MICALL2: variants seen among roughly 807,000 people sequenced by gnomAD.
The protein encoded by MICALL2 is MICAL like 2, also known as MICAL-like protein 2.
A neutral mutation model predicts 91.1 loss-of-function variants in MICALL2; 111 were observed. That is an observed-to-expected ratio of 1.22 (90% CI 1.04 to 1.43). The LOEUF is 1.43. MICALL2 is among the 40% of genes most tolerant of loss of function. The pLI is 0.00. For missense variants in MICALL2, 1,556 were observed against 1,236.0 expected, an observed-to-expected ratio of 1.26 and a Z score of -3.88; for synonymous variants, 694 against 525.3, an observed-to-expected ratio of 1.32 and a Z score of -4.39.
At chr7:1,434,985 G>GA in intron 16 of MICALL2, 116 bp downstream of exon 16, 10 of 255,664 alleles carry the variant, frequency 3.9e-5, no homozygotes, top group Non-Finnish European at 5.9e-5. Context: ...CCCGATACCC[G>GA]CCCCCCCCCC....
At chr7:1,437,762 C>T (rs965377436) in intron 13 of MICALL2, 128 bp downstream of exon 13, 80 of 1,232,456 alleles carry the variant, frequency 6.5e-5, no homozygotes, top group Admixed American at 4.8e-4. Context: ...CAGACCGCAA[C>T]GAGGTCCTGG....
rs746091018 is a variant in MICALL2 at position 1,445,131 on chromosome 7, G to A, written c.939C>T (p.Ser313=). 157 of 1,562,430 alleles carry A rather than the reference G, an allele frequency of 1.0e-4. No homozygotes were observed. The highest frequency in any genetic ancestry group is 1.3e-4 in the Non-Finnish European group (147 of 1,154,432). ...APNPAATSAT[S]VHVRSPARPS... is the part of the protein sequence containing the mutation. ...GCCTGGCTGGGCTCCTCACGTGGAC[G>A]GACGTGGCGCTGGTGGCTGCAGGGT... Residue 313 remains serine, a synonymous_variant, in exon 6 of 17, where the codon TCC becomes TCT. Transcript: ENST00000297508.
chr7:1,459,348 C>T lies in MICALL2; in HGVS notation c.-22G>A, dbSNP rs751713169. 38 of 1,435,848 alleles carry T rather than the reference C, an allele frequency of 2.6e-5. No individual in the cohort carries two copies. The East Asian group carries it at 1.2e-3, about 46-fold the overall frequency. The allele number at this position is 1,435,848 out of a possible 1,614,324, so 88.9% of individuals were successfully genotyped here. A position where few individuals can be genotyped will look rare whatever the true frequency, so the allele number is the denominator to read the frequency against. On this transcript the variant is annotated 5_prime_UTR_variant, in exon 1 of 17. Coordinates refer to ENST00000297508, the MANE Select transcript of MICALL2 (RefSeq NM_182924.4). ...CCATGTGGGCGGCGCGCCCGCCGCGCGGCGGAACCGCCCTCCGACACCTTC... is the reference window on the plus strand; with the variant it reads ...CCATGTGGGCGGCGCGCCCGCCGCGTGGCGGAACCGCCCTCCGACACCTTC...
chr7:1,448,915 C>G (rs993650499), intron 2 of MICALL2, among the ~76,000 whole-genome samples, 154 bp from the exon 3 acceptor site: 2 of 152,236 alleles, frequency 1.3e-5, no homozygotes, highest in East Asian at 1.9e-4. Context: ...GCCTCCCGGC[C>G]TCAGCTTACC....
Position 1,440,317 on chromosome 7 carries a change from G to A in MICALL2, c.1806-232C>T, listed in dbSNP as rs544240623. ...TCCAGGCGTGAGCTCCGGGCCCCAC[G>A]GGACCCACACATGGGGAGACTCCAC... On this transcript the variant is annotated intron_variant, in intron 8 of 16. Coordinates refer to ENST00000297508, the MANE Select transcript of MICALL2 (RefSeq NM_182924.4). 141 of 630,116 alleles carry A rather than the reference G, an allele frequency of 2.2e-4. 1 individual carries two copies. Among genetic ancestry groups the A allele is most frequent in the Admixed American group, 5.4e-4 (18 of 33,644 alleles). 39.0% of individuals were successfully genotyped at this position (630,116 alleles called of 1,614,324 possible).
In MICALL2 at chr7:1,444,668, C is replaced by T. The variant is rs780791238; in HGVS notation, c.1402G>A (p.Ala468Thr). Residue 468 changes from alanine to threonine, a missense_variant, in exon 6 of 17, where the codon GCT becomes ACT. Ala to Thr is a moderately conservative substitution (Grantham distance 58). Coordinates refer to ENST00000297508, the MANE Select transcript of MICALL2 (RefSeq NM_182924.4). ...CGCGCTCACCTGCCAGGCGCCGGAGCGCCAGCCTCTTCCAGCGCTGAGAGG... is the reference window on the plus strand; with the variant it reads ...CGCGCTCACCTGCCAGGCGCCGGAGTGCCAGCCTCTTCCAGCGCTGAGAGG... ...QALSALEEAG[A>T]PAPGRPSPAT... is the part of the protein sequence containing the mutation. The T allele has an allele frequency of 1.1e-5, 18 of 1,610,800 alleles. No individual in the cohort carries two copies. The highest frequency in any genetic ancestry group is 3.4e-4 in the Middle Eastern group (2 of 5,936).
intron 15 of MICALL2, 60 bp downstream of exon 15, chr7:1,436,682 G>A (rs866196208): frequency 5.1e-5 from 68 of 1,320,604 alleles, no homozygotes; most frequent in African/African-American, 2.6e-4. Context: ...CCTGAGGGCC[G>A]GGAGCATGGA....
At chr7:1,440,212 C>T in intron 8 of MICALL2, 127 bp from the exon 9 acceptor site, 2 of 1,143,662 alleles carry the variant, frequency 1.7e-6, no homozygotes, top group Middle Eastern at 5.9e-4. Flanking sequence ...AATGCCACCT[C>T]CCAGCCCACT....
chr7:1,444,493 C>A (rs1780466461), intron 6 of MICALL2, among the ~76,000 whole-genome samples, 159 bp downstream of exon 6: 1 of 152,242 alleles, frequency 6.6e-6, no homozygotes, highest in Non-Finnish European at 1.5e-5. Flanking sequence ...CTGGCTCCTC[C>A]TCCCCATTCC....
In MICALL2 at chr7:1,437,528, G is replaced by A. The variant is rs1428074592; in HGVS notation, c.2476+7C>T. On this transcript the variant is annotated splice_region_variant and intron_variant, in intron 14 of 16. Coordinates refer to ENST00000297508, the MANE Select transcript of MICALL2 (RefSeq NM_182924.4). The stretch of plus-strand genomic sequence containing the variant: ...GGGGCCCCTTGGCTGGCGCGCGGGG[G>A]ACGCACCGGGCTTGGCCATGAGCCG... 4 of 1,517,486 alleles carry A rather than the reference G, an allele frequency of 2.6e-6. No individual in the cohort carries two copies. The highest frequency in any genetic ancestry group is 1.4e-5 in the African/African-American group (1 of 71,040). 94.0% of individuals were successfully genotyped at this position (1,517,486 alleles called of 1,614,324 possible). A position where few individuals can be genotyped will look rare whatever the true frequency, so the allele number is the denominator to read the frequency against.
At chr7:1,457,604 C>T (rs1215708154) in intron 1 of MICALL2, among the ~76,000 whole-genome samples, 1 of 152,248 alleles carries the variant, frequency 6.6e-6, no homozygotes, top group East Asian at 1.9e-4. Context: ...TACACAGCGA[C>T]CACCGTGCCA....
At chr7:1,455,052 G>A (rs1033965335) in intron 1 of MICALL2, among the ~76,000 whole-genome samples, 6 of 152,172 alleles carry the variant, frequency 3.9e-5, no homozygotes, top group Non-Finnish European at 8.8e-5. Context: ...CCCCAGCCAC[G>A]AACCCCAAGA....
At position 1,438,337 on chromosome 7, in the gene MICALL2, C is replaced by A. The variant is rs748183569; in HGVS notation, c.2139G>T (p.Pro713=). Residue 713 remains proline (P), a synonymous_variant, in exon 11 of 17, where the codon CCG becomes CCT. Coordinates refer to ENST00000297508, the MANE Select transcript of MICALL2 (RefSeq NM_182924.4). ...LQGKPGRPLS[P]ANVPALPGET... is the part of the protein sequence containing the mutation. ...CGCCAGGCAGAGCAGGGACATTGGCCGGGGACAAGGGTCTCCCTGGAGAAG... is the reference window on the plus strand; with the variant it reads ...CGCCAGGCAGAGCAGGGACATTGGCAGGGGACAAGGGTCTCCCTGGAGAAG... The A allele has an allele frequency of 1.2e-6, 2 of 1,604,110 alleles. No homozygotes were observed. Among genetic ancestry groups the A allele is most frequent in the South Asian group, 1.1e-5 (1 of 89,500 alleles).
chr7:1,449,715 G>T (rs923998250), intron 2 of MICALL2, among the ~76,000 whole-genome samples: 1 of 152,244 alleles, frequency 6.6e-6, no homozygotes, highest in Non-Finnish European at 1.5e-5. Flanking sequence ...CGCGTGGTGA[G>T]TCTGCCGGTG....
intron 2 of MICALL2, among the ~76,000 whole-genome samples, chr7:1,449,126 G>A (rs1170135810): frequency 6.6e-6 from 1 of 152,156 alleles, no homozygotes; most frequent in South Asian, 2.1e-4. Context: ...AGCCCTCCCC[G>A]GGGGCCAGAA....
At chr7:1,439,806 C>G (rs1208242019) in intron 9 of MICALL2, 119 bp downstream of exon 9, 4 of 812,478 alleles carry the variant, frequency 4.9e-6, no homozygotes, top group Non-Finnish European at 7.0e-6. Flanking sequence ...CTCTGGCTGA[C>G]CGGAGCGCCT....
chr7:1,442,376 G>T lies in MICALL2; in HGVS notation c.1527C>A (p.Gly509=). 6.2e-7 allele frequency: 1 copy of T among 1,610,956 alleles called. No homozygotes were observed. Among genetic ancestry groups the T allele is most frequent in the Non-Finnish European group, 8.5e-7 (1 of 1,178,342 alleles). The change falls in exon 7 of 17, where the codon GGC becomes GGA. Residue 509 remains glycine (G), a synonymous_variant. Transcript: ENST00000297508. ...CTGGCGGTTCCATCCTCGAAGGGAG[G>T]CCAAGCACCCGGGGAGACGAGGACT... The part of the protein sequence containing the change: ...PLQSSSPRVL[G]LPSRMEPPAP...
At chr7:1,443,759 C>G (rs1030237443) in intron 6 of MICALL2, among the ~76,000 whole-genome samples, 5 of 152,178 alleles carry the variant, frequency 3.3e-5, no homozygotes, top group African/African-American at 1.2e-4. Flanking sequence ...CCCCTAGTGC[C>G]CTGCAAGGGG....
intron 6 of MICALL2, among the ~76,000 whole-genome samples, chr7:1,443,503 C>G (rs1217128078): frequency 2.0e-5 from 3 of 152,204 alleles, no homozygotes; most frequent in East Asian, 1.9e-4. Flanking sequence ...AAAGTCATGT[C>G]CACTGGGAAG....
Sources: allele counts gnomAD v4.1 joint callset (sites outside exome capture counted in the v4.1 genomes callset), GRCh38; gene constraint gnomAD v4.1.1; transcripts MANE v1.5; gene names NCBI Gene and HGNC (gene_info 2026-07-23, HGNC 2026-07-21).